Variants in CSMD1 observed in about 807,000 individuals in gnomAD.
The protein encoded by CSMD1 is CUB and Sushi multiple domains 1, also known as CUB and sushi domain-containing protein 1.
A neutral mutation model predicts 417.5 loss-of-function variants in CSMD1; 213 were observed. That is an observed-to-expected ratio of 0.51 (90% confidence interval 0.46 to 0.57). The LOEUF is 0.57. CSMD1 is among the 20% of genes least tolerant of loss of function. The pLI, the probability that CSMD1 is intolerant of heterozygous loss-of-function variation, is 0.00. For synonymous variants in CSMD1, 2,862 were observed against 1,736.8 expected, an observed-to-expected ratio of 1.65 and a Z score of -16.11; for missense variants, 6,923 against 4,529.7, an observed-to-expected ratio of 1.53 and a Z score of -15.17.
intron 1 of CSMD1, among the ~76,000 whole-genome samples, chr8:4,664,213 T>A (rs995357133): frequency 6.6e-6 from 1 of 152,184 alleles, no homozygotes; most frequent in Non-Finnish European, 1.5e-5. Flanking sequence ...CTTTGCATTA[T>A]CTTGGGGACA....
intron 2 of CSMD1, among the ~76,000 whole-genome samples, chr8:4,589,156 G>C (rs531732504): frequency 5.4e-4 from 82 of 152,076 alleles, no homozygotes; most frequent in Non-Finnish European, 8.8e-4. Flanking sequence ...CTCTCAATGA[G>C]AAAAGAAAGA....
chr8:3,930,389 C>A (rs1034280367), intron 5 of CSMD1, among the ~76,000 whole-genome samples: 1 of 150,560 alleles, frequency 6.6e-6, no homozygotes, highest in Non-Finnish European at 1.5e-5. Flanking sequence ...CACAACTTAG[C>A]CCTGGCATGC....
chr8:3,930,254 C>T (rs113700714), intron 5 of CSMD1, among the ~76,000 whole-genome samples: 1 of 150,244 alleles, frequency 6.7e-6, no homozygotes, highest in Non-Finnish European at 1.5e-5. Flanking sequence ...ACTTTCCTCC[C>T]CATCTAATTA....
chr8:4,841,889 C>T (rs1202963803), intron 1 of CSMD1, among the ~76,000 whole-genome samples: 1 of 38,990 alleles, frequency 2.6e-5, no homozygotes, highest in Non-Finnish European at 4.9e-5. Flanking sequence ...CTAGCCGGGG[C>T]AACAAGAGCA....
chr8:4,129,284 C>T (rs1196147414), intron 3 of CSMD1, among the ~76,000 whole-genome samples: 2 of 152,070 alleles, frequency 1.3e-5, no homozygotes, highest in African/African-American at 4.8e-5. Flanking sequence ...GTCAACAAAA[C>T]TAGCACAGTC....
intron 3 of CSMD1, among the ~76,000 whole-genome samples, chr8:4,276,615 T>C (rs1373170678): frequency 6.6e-6 from 1 of 152,158 alleles, no homozygotes; most frequent in East Asian, 1.9e-4. Context: ...ATAAAAAAAG[T>C]GATACACATA....
At chr8:4,422,728 A>G (rs1797318826) in intron 2 of CSMD1, among the ~76,000 whole-genome samples, 1 of 152,164 alleles carries the variant, frequency 6.6e-6, no homozygotes, top group South Asian at 2.1e-4. Context: ...AGATAAACAC[A>G]GAAAAAAGAA....
At chr8:4,458,203 T>C (rs1412029377) in intron 2 of CSMD1, among the ~76,000 whole-genome samples, 2 of 152,174 alleles carry the variant, frequency 1.3e-5, no homozygotes, top group African/African-American at 4.8e-5. Flanking sequence ...CTAATCACCT[T>C]GTAAAGAAAT....
chr8:4,327,720 T>A (rs1799639634), intron 3 of CSMD1, among the ~76,000 whole-genome samples: 2 of 152,228 alleles, frequency 1.3e-5, no homozygotes. Context: ...TTAAAATGAA[T>A]AACAAGAGAC....
At chr8:4,928,489 G>A (rs1239647813) in intron 1 of CSMD1, among the ~76,000 whole-genome samples, 14 of 152,166 alleles carry the variant, frequency 9.2e-5, no homozygotes, top group Admixed American at 9.2e-4. Context: ...AAATAATTAT[G>A]TGAGCCTGAG....
intron 7 of CSMD1, among the ~76,000 whole-genome samples, chr8:3,707,032 A>G (rs1211570291): frequency 6.6e-6 from 1 of 151,970 alleles, no homozygotes; most frequent in East Asian, 1.9e-4. Context: ...ACCTAAGACC[A>G]GAGGGGTAGT....
chr8:4,043,255 G>T (rs561076360), intron 3 of CSMD1, among the ~76,000 whole-genome samples: 4 of 152,242 alleles, frequency 2.6e-5, no homozygotes, highest in African/African-American at 9.6e-5. Context: ...TATTAGGCTA[G>T]CATAGGAGAT....
At chr8:4,644,916 T>C (rs1259303841) in intron 1 of CSMD1, among the ~76,000 whole-genome samples, 2 of 152,172 alleles carry the variant, frequency 1.3e-5, no homozygotes, top group Non-Finnish European at 2.9e-5. Flanking sequence ...TGAGTGCATG[T>C]GTGGGAGGTA....
intron 6 of CSMD1, among the ~76,000 whole-genome samples, chr8:3,733,898 G>T (rs1159677859): frequency 6.6e-6 from 1 of 152,132 alleles, no homozygotes; most frequent in East Asian, 1.9e-4. Flanking sequence ...TACGAGAAAA[G>T]CATAGTTTAT....
intron 5 of CSMD1, among the ~76,000 whole-genome samples, chr8:3,768,672 G>C (rs1000082206): frequency 1.3e-5 from 2 of 152,140 alleles, no homozygotes; most frequent in Admixed American, 6.5e-5. Context: ...TTTAAGTGTT[G>C]TGTTATTGCT....
intron 2 of CSMD1, among the ~76,000 whole-genome samples, chr8:4,537,769 A>T (rs1585220659): frequency 6.6e-6 from 1 of 152,168 alleles, no homozygotes; most frequent in African/African-American, 2.4e-5. Context: ...GCCTCGAATC[A>T]CCAGGCATGC....
chr8:4,634,912 G>A (rs948145571), intron 2 of CSMD1, among the ~76,000 whole-genome samples: 1 of 151,996 alleles, frequency 6.6e-6, no homozygotes, highest in Non-Finnish European at 1.5e-5. Context: ...GCGTTTTTCC[G>A]ATTTGTATTA....
chr8:4,594,195 C>CTTTTTTTTTTTTTTTTT (rs771415822), intron 2 of CSMD1, among the ~76,000 whole-genome samples: 3 of 92,372 alleles, frequency 3.2e-5, no homozygotes, highest in Non-Finnish European at 4.1e-5. Flanking sequence ...CTAAAGTGAT[C>CTTTTTTTTTTTTTTTTT]TTTTTTTTTT....
chr8:3,013,334 T>G (rs925760226), intron 52 of CSMD1, among the ~76,000 whole-genome samples: 1 of 152,224 alleles, frequency 6.6e-6, no homozygotes, highest in Non-Finnish European at 1.5e-5. Flanking sequence ...CCGTCAGGGC[T>G]GGCACTGATA....
Sources: allele counts gnomAD v4.1 joint callset (sites outside exome capture counted in the v4.1 genomes callset), GRCh38; gene constraint gnomAD v4.1.1; transcripts MANE v1.5; gene names NCBI Gene and HGNC (gene_info 2026-07-23, HGNC 2026-07-21).